Variants in FBXO30 observed in about 807,000 individuals in gnomAD.
FBXO30 encodes the protein F-box only protein 30.
Under a neutral mutation model 58.1 loss-of-function variants are expected in FBXO30, and 21 were observed. The ratio of observed to expected loss-of-function variants is 0.36; its 90% CI spans 0.26 to 0.52. The LOEUF is 0.52. Among genes scored for constraint, FBXO30 ranks in the 20% least tolerant of loss-of-function variants. FBXO30 has a pLI of 0.93. For missense variants in FBXO30, 744 were observed against 897.3 expected, an observed-to-expected ratio of 0.83 and a Z score of 2.18; for synonymous variants, 309 against 312.4, an observed-to-expected ratio of 0.99 and a Z score of 0.11.
chr6:145,797,130 T>C lies in FBXO30; in HGVS notation c.*2976A>G, dbSNP rs1264057973. ...ACAACCACTAAACAAGAGAATGAGA[T>C]GACTAGGCTAAATGTTACTGCTAAT... On this transcript the variant is annotated 3_prime_UTR_variant, in exon 3 of 3. Coordinates refer to ENST00000237281, the MANE Select transcript of FBXO30 (RefSeq NM_032145.5). 1 of 151,908 alleles carries C rather than the reference T, an allele frequency of 6.6e-6. No individual in the cohort carries two copies. The highest frequency in any genetic ancestry group is 2.4e-5 in the African/African-American group (1 of 41,388). 9.4% of individuals were successfully genotyped at this position (151,908 alleles called of 1,614,324 possible). A position where few individuals can be genotyped will look rare whatever the true frequency, so the allele number is the denominator to read the frequency against.
rs1168285159 is a variant in FBXO30 at position 145,797,237 on chromosome 6, A to G, written c.*2869T>C. ...AGTAAAATTTTAAATACTAGTAAAT[A>G]CTAATTTAAAGAATACAAGTCCAAC... On this transcript the variant is annotated 3_prime_UTR_variant, in exon 3 of 3. Transcript: ENST00000237281. 1 of 152,028 alleles carries G rather than the reference A, an allele frequency of 6.6e-6. No homozygotes were observed. The highest frequency in any genetic ancestry group is 1.5e-5 in the Non-Finnish European group (1 of 67,930). The allele number at this position is 152,028 out of a possible 1,614,324, so 9.4% of individuals were successfully genotyped here. A position where few individuals can be genotyped will look rare whatever the true frequency, so the allele number is the denominator to read the frequency against.
chr6:145,800,905 T>C (rs1777976196), intron 2 of FBXO30, among the ~76,000 whole-genome samples: 1 of 152,110 alleles, frequency 6.6e-6, no homozygotes, highest in South Asian at 2.1e-4. Flanking sequence ...TATATAAAAA[T>C]AATATTTGTA....
intron 2 of FBXO30, 125 bp downstream of exon 2, chr6:145,804,247 A>G (rs375619786): frequency 1.2e-6 from 1 of 801,938 alleles, no homozygotes; most frequent in African/African-American, 1.7e-5. Flanking sequence ...AAAGTCTGTC[A>G]TCACACTGAT....
intron 1 of FBXO30, among the ~76,000 whole-genome samples, chr6:145,808,929 A>C (rs568227612): frequency 2.6e-5 from 4 of 152,316 alleles, no homozygotes; most frequent in Middle Eastern, 6.8e-3. Flanking sequence ...GAGTTTTCTC[A>C]AACTAAAATA....
Position 145,794,497 on chromosome 6 carries a change from A to G in FBXO30, c.*5609T>C, listed in dbSNP as rs1777832229. ...ACTGAATTATTAGCCATTCAGAGTA[A>G]GTTATTTCATATGACATGGCTGTCA... On this transcript the variant is annotated 3_prime_UTR_variant, in exon 3 of 3. Coordinates refer to ENST00000237281, the MANE Select transcript of FBXO30 (RefSeq NM_032145.5). The G allele has an allele frequency of 6.6e-6, 1 of 151,956 alleles. No individual in the cohort carries two copies. The highest frequency in any genetic ancestry group is 1.5e-5 in the Non-Finnish European group (1 of 67,846). The allele number at this position is 151,956 out of a possible 1,614,324, so 9.4% of individuals were successfully genotyped here. A position where few individuals can be genotyped will look rare whatever the true frequency, so the allele number is the denominator to read the frequency against.
At chr6:145,807,367 T>C (rs1778205075) in intron 1 of FBXO30, among the ~76,000 whole-genome samples, 1 of 152,140 alleles carries the variant, frequency 6.6e-6, no homozygotes, top group African/African-American at 2.4e-5. Context: ...GACGGTAAAC[T>C]GGTAAGAAAG....
At chr6:145,811,638 C>G (rs183497616) in intron 1 of FBXO30, among the ~76,000 whole-genome samples, 4 of 152,226 alleles carry the variant, frequency 2.6e-5, no homozygotes, top group African/African-American at 9.6e-5. Context: ...TGCAAAGGTG[C>G]CCGATTAGGG....
At chr6:145,808,281 T>G (rs1778238618) in intron 1 of FBXO30, among the ~76,000 whole-genome samples, 1 of 152,050 alleles carries the variant, frequency 6.6e-6, no homozygotes, top group African/African-American at 2.4e-5. Flanking sequence ...TAACTCTCTA[T>G]TCTGGCCCCA....
intron 1 of FBXO30, among the ~76,000 whole-genome samples, chr6:145,809,589 A>G (rs1778278457): frequency 6.6e-6 from 1 of 152,218 alleles, no homozygotes; most frequent in Admixed American, 6.5e-5. Context: ...GTAGAAGGAA[A>G]GTAGTCAAGC....
At chr6:145,809,798 G>A (rs985246011) in intron 1 of FBXO30, 2 of 152,194 alleles carry the variant, frequency 1.3e-5, no homozygotes, top group Admixed American at 6.5e-5. Flanking sequence ...TTCAGAAAGA[G>A]CAAGTGATCT....
intron 1 of FBXO30, among the ~76,000 whole-genome samples, chr6:145,809,427 T>G (rs1403421244): frequency 7.2e-5 from 11 of 152,288 alleles, no homozygotes; most frequent in African/African-American, 2.6e-4. Flanking sequence ...CTCAGAAGTT[T>G]TAGGGACACT....
At position 145,800,198 on chromosome 6, in the gene FBXO30, C is replaced by T; in HGVS notation, c.2146G>A (p.Glu716Lys). The T allele has an allele frequency of 2.5e-6, 4 of 1,613,124 alleles. No homozygotes were observed. Among genetic ancestry groups the T allele is most frequent in the Non-Finnish European group, 3.4e-6 (4 of 1,179,346 alleles). ...KCSYNVVEKREEAIPLPCMCV... is the reference protein window; with the variant it reads ...KCSYNVVEKRKEAIPLPCMCV... The stretch of plus-strand genomic sequence containing the variant: ...ATACATGGCAAAGGGATTGCTTCCT[C>T]CCGTTTCTCGACAACATTGTAACTG... Residue 716 changes from glutamate to lysine, a missense_variant, in exon 3 of 3, where the codon GAG becomes AAG. Transcript: ENST00000237281.
intron 2 of FBXO30, among the ~76,000 whole-genome samples, chr6:145,802,347 T>C (rs1474970135): frequency 1.3e-5 from 2 of 152,156 alleles, no homozygotes; most frequent in African/African-American, 2.4e-5. Flanking sequence ...AACCTCTGTT[T>C]CTTTGTCTGT....
At chr6:145,811,044 T>G (rs1473471324) in intron 1 of FBXO30, among the ~76,000 whole-genome samples, 1 of 152,196 alleles carries the variant, frequency 6.6e-6, no homozygotes, top group Non-Finnish European at 1.5e-5. Flanking sequence ...TAGTGACAAC[T>G]CTAAGTAAGT....
intron 2 of FBXO30, among the ~76,000 whole-genome samples, chr6:145,804,105 T>C (rs117271150): frequency 0.012 from 1,834 of 152,274 alleles, 14 homozygotes; most frequent in Non-Finnish European, 0.019. Context: ...AGAGTTGTTA[T>C]AGAAAAATTG....
In FBXO30 at chr6:145,798,071, TAATC is replaced by T. The variant is rs1387897164; in HGVS notation, c.*2031_*2034del. 2 of 152,060 alleles carry T rather than the reference TAATC, an allele frequency of 1.3e-5. No individual in the cohort carries two copies. Among genetic ancestry groups the T allele is most frequent in the Non-Finnish European group, 1.5e-5 (1 of 67,956 alleles). 9.4% of individuals were successfully genotyped at this position (152,060 alleles called of 1,614,324 possible). A position where few individuals can be genotyped will look rare whatever the true frequency, so the allele number is the denominator to read the frequency against. The stretch of plus-strand genomic sequence containing the variant: ...GTAAAACATGGGTGAGTAATGATGA[TAATC>T]AACAACTACCATAACATGCAGAAAA... On this transcript the variant is annotated 3_prime_UTR_variant, in exon 3 of 3. Transcript: ENST00000237281.
chr6:145,806,471 T>A, intron 1 of FBXO30, 50 bp from the exon 2 acceptor site: 1 of 1,399,252 alleles, frequency 7.1e-7, no homozygotes. Flanking sequence ...AAATGGTTGA[T>A]TTTTCAAAAT....
rs1453117128 is a variant in FBXO30, at chr6:145,806,160, C to T, written c.246G>A (p.Met82Ile). The change falls in exon 2 of 3, where the codon ATG (methionine) becomes ATA (isoleucine). Residue 82 changes from methionine (M) to isoleucine (I), a missense_variant. Physicochemically the swap from Met to Ile is conservative, Grantham distance 10. Transcript: ENST00000237281. ...TACAGCACACCACACTTGCAGGACA[C>T]ATTTCTAGATGTTCAGCAACTTTAT... ...ARNKVAEHLE[M>I]CPASVVCCTM... 3 of 1,614,104 alleles carry T rather than the reference C, an allele frequency of 1.9e-6. No homozygotes were observed. The East Asian group carries it at 6.7e-5, about 36-fold the overall frequency.
Position 145,804,609 on chromosome 6 carries a change from C to T in FBXO30, c.1797G>A (p.Glu599=). 6.2e-7 allele frequency: 1 copy of T among 1,613,780 alleles called. No homozygotes were observed. Among genetic ancestry groups the T allele is most frequent in the Non-Finnish European group, 8.5e-7 (1 of 1,179,842 alleles). Residue 599 remains glutamate, a synonymous_variant, in exon 2 of 3, where the codon GAG becomes GAA. Coordinates refer to ENST00000237281, the MANE Select transcript of FBXO30 (RefSeq NM_032145.5). ...ATCCCAACACACAGTTTCTAGCAGG[C>T]TCCACTAATACTGTAGATACACATG... ...VQPCVSTVLV[E]PARNCVLGLH...
Sources: allele counts gnomAD v4.1 joint callset (sites outside exome capture counted in the v4.1 genomes callset), GRCh38; gene constraint gnomAD v4.1.1; transcripts MANE v1.5; gene names NCBI Gene and HGNC (gene_info 2026-07-23, HGNC 2026-07-21).